Variants in CEP112 observed in about 807,000 individuals in gnomAD.
CEP112 encodes centrosomal protein 112, also known as centrosomal protein of 112 kDa.
In CEP112, 127 loss-of-function variants were observed where a neutral mutation model predicts 153.0. The observed-to-expected ratio is 0.83, with a 90% CI of 0.72 to 0.96. The LOEUF (loss-of-function observed/expected upper bound fraction) is 0.96, where lower values mean the gene tolerates loss of function less well. Ranked by LOEUF, CEP112 falls within the 40% of genes least tolerant of loss-of-function variation. CEP112 has a pLI of 0.00. For synonymous variants in CEP112, 358 were observed against 374.4 expected, an observed-to-expected ratio of 0.96 and a Z score of 0.51; for missense variants, 1,089 against 1,101.2, an observed-to-expected ratio of 0.99 and a Z score of 0.16.
chr17:65,842,919 T>G (rs370098909), intron 21 of CEP112, among the ~76,000 whole-genome samples: 5 of 152,152 alleles, frequency 3.3e-5, no homozygotes, highest in East Asian at 3.8e-4. Flanking sequence ...TTTTAATTTT[T>G]TATTTCTTTA....
intron 20 of CEP112, among the ~76,000 whole-genome samples, chr17:65,891,133 G>T (rs767674066): frequency 3.2e-4 from 48 of 152,232 alleles, no homozygotes; most frequent in Non-Finnish European, 2.6e-4. Context: ...CTAAATGAAT[G>T]AATGGATATC....
At chr17:66,065,020 G>C (rs1345174202) in intron 10 of CEP112, among the ~76,000 whole-genome samples, 1 of 152,066 alleles carries the variant, frequency 6.6e-6, no homozygotes, top group African/African-American at 2.4e-5. Context: ...GTTTGATCTG[G>C]GGGAGAGCCA....
intron 23 of CEP112, among the ~76,000 whole-genome samples, chr17:65,724,679 C>G (rs577458742): frequency 1.1e-4 from 16 of 152,314 alleles, no homozygotes; most frequent in East Asian, 7.7e-4. Context: ...ATACATATGT[C>G]TCAACCTATA....
At chr17:65,901,937 C>T (rs1387334993) in intron 20 of CEP112, among the ~76,000 whole-genome samples, 1 of 117,070 alleles carries the variant, frequency 8.5e-6, no homozygotes, top group Non-Finnish European at 1.6e-5. Flanking sequence ...GATTTTTAAT[C>T]TGGCTACCTG....
intron 17 of CEP112, among the ~76,000 whole-genome samples, chr17:65,988,950 C>T (rs988638140): frequency 1.7e-4 from 26 of 152,036 alleles, no homozygotes; most frequent in Admixed American, 3.9e-4. Context: ...CAGGGCCAGA[C>T]GTGGTGGCTC....
intron 11 of CEP112, among the ~76,000 whole-genome samples, chr17:66,060,489 A>G (rs2066880480): frequency 6.6e-6 from 1 of 152,194 alleles, no homozygotes; most frequent in African/African-American, 2.4e-5. Context: ...GCATCACAGT[A>G]ACTGACATGA....
At chr17:66,185,204 C>T (rs1227319393) in intron 1 of CEP112, among the ~76,000 whole-genome samples, 1 of 151,952 alleles carries the variant, frequency 6.6e-6, no homozygotes, top group African/African-American at 2.4e-5. Context: ...AAAAAAAGTG[C>T]ATTTGCTGTA....
chr17:66,026,275 C>T (rs983302573), intron 16 of CEP112, among the ~76,000 whole-genome samples: 1 of 152,224 alleles, frequency 6.6e-6, no homozygotes, highest in African/African-American at 2.4e-5. Flanking sequence ...GTTACATTCA[C>T]ACAAAAATTT....
intron 12 of CEP112, among the ~76,000 whole-genome samples, chr17:66,052,403 C>T (rs1045884169): frequency 1.3e-5 from 2 of 152,150 alleles, no homozygotes; most frequent in African/African-American, 4.8e-5. Flanking sequence ...GCAGAGTAGC[C>T]TTCCAGCAAA....
chr17:66,133,087 CAAA>C (rs202109985), intron 4 of CEP112, among the ~76,000 whole-genome samples: 1 of 127,354 alleles, frequency 7.9e-6, no homozygotes. Flanking sequence ...TGTTCCACAT[CAAA>C]AAAAAAAAAG....
At chr17:65,892,569 T>C (rs918001433) in intron 20 of CEP112, among the ~76,000 whole-genome samples, 1 of 152,034 alleles carries the variant, frequency 6.6e-6, no homozygotes, top group African/African-American at 2.4e-5. Flanking sequence ...AGAGGTGACA[T>C]CACAGGAGCG....
At chr17:65,912,087 T>G (rs141037095) in intron 19 of CEP112, among the ~76,000 whole-genome samples, 357 of 152,296 alleles carry the variant, frequency 2.3e-3, no homozygotes, top group Admixed American at 4.4e-3. Context: ...GGTAGAGGAC[T>G]ATGATTTTCC....
chr17:66,078,459 G>T (rs1027718777), intron 8 of CEP112, among the ~76,000 whole-genome samples: 1 of 151,570 alleles, frequency 6.6e-6, no homozygotes, highest in African/African-American at 2.4e-5. Flanking sequence ...GGTTTCATCA[G>T]ATTGGCCATG....
At chr17:66,110,141 C>T (rs995334997) in intron 6 of CEP112, among the ~76,000 whole-genome samples, 5 of 151,760 alleles carry the variant, frequency 3.3e-5, no homozygotes, top group Admixed American at 2.6e-4. Context: ...GCCTGGGTGA[C>T]GAGCAAGACT....
intron 20 of CEP112, among the ~76,000 whole-genome samples, chr17:65,863,585 C>A (rs1284113207): frequency 2.2e-5 from 3 of 139,532 alleles, no homozygotes; most frequent in African/African-American, 8.1e-5. Flanking sequence ...GAAACCCCGT[C>A]TCTACTAAAA....
rs568815590 is a variant in CEP112 at position 65,685,758 on chromosome 17, C to T, written c.2697+3371G>A. Among the ~76,000 whole-genome samples the T allele has an allele frequency of 4.0e-5, 6 of 150,998 alleles. No individual in the cohort carries two copies. In the South Asian group the frequency reaches 1.3e-3, roughly 32 times the overall value. The stretch of plus-strand genomic sequence containing the variant: ...CACAATCTCGGCTCACTGCAACCTC[C>T]ACCTCCCAGGTTCAAGCGATTCTCC... On this transcript the variant is annotated intron_variant, in intron 24 of 26. Coordinates refer to ENST00000535342, the MANE Select transcript of CEP112 (RefSeq NM_001199165.4).
intron 9 of CEP112, 69 bp downstream of exon 9, chr17:66,069,846 A>G (rs1268981894): frequency 1.2e-6 from 1 of 829,656 alleles, no homozygotes; most frequent in Non-Finnish European, 1.9e-6. Context: ...GGATAACTGG[A>G]TGGATCATCA....
At chr17:65,808,138 A>T (rs190286542) in intron 21 of CEP112, among the ~76,000 whole-genome samples, 1 of 152,280 alleles carries the variant, frequency 6.6e-6, no homozygotes, top group Admixed American at 6.5e-5. Context: ...TTCAAAGGAG[A>T]TTATTTTGGA....
intron 23 of CEP112, among the ~76,000 whole-genome samples, chr17:65,722,668 G>T (rs918371299): frequency 2.3e-4 from 35 of 152,340 alleles, no homozygotes; most frequent in African/African-American, 8.4e-4. Flanking sequence ...ATCCAGTATA[G>T]TTAATACTCT....
Sources: gnomAD v4.1 joint callset for allele counts (sites outside exome capture counted in the v4.1 genomes callset) on GRCh38, gnomAD v4.1.1 for gene constraint, MANE v1.5 for transcripts, NCBI Gene and HGNC (gene_info 2026-07-23, HGNC 2026-07-21) for gene names.